AMMECR1: variants seen among roughly 807,000 people sequenced by gnomAD.
AMMECR1 encodes nuclear protein AMMECR1.
A neutral mutation model predicts 22.5 loss-of-function variants in AMMECR1; 3 were observed. The ratio of observed to expected loss-of-function variants is 0.13; its 90% confidence interval spans 0.06 to 0.35. The LOEUF is 0.35. Ranked by LOEUF, AMMECR1 falls within the 10% of genes least tolerant of loss-of-function variation. The pLI is 1.00. For synonymous variants in AMMECR1, 130 were observed against 116.7 expected (o/e 1.11, Z -0.74); for missense variants, 235 against 278.7 (o/e 0.84, Z 1.12).
intron 1 of AMMECR1, among the ~76,000 whole-genome samples, chrX:110,431,453 A>G (rs940197947): frequency 4.5e-5 from 5 of 110,043 alleles, no homozygotes; most frequent in Non-Finnish European, 7.6e-5. Context: ...ATAACTCACC[A>G]GTTCACATGG....
intron 2 of AMMECR1, among the ~76,000 whole-genome samples, chrX:110,234,637 G>A (rs2067590250): frequency 9.0e-6 from 1 of 111,523 alleles, no homozygotes; most frequent in Non-Finnish European, 1.9e-5. Flanking sequence ...CAGAGATATA[G>A]ACCAATGGAA....
At chrX:110,211,383 C>T (rs777629786) in intron 3 of AMMECR1, among the ~76,000 whole-genome samples, 1 of 112,105 alleles carries the variant, frequency 8.9e-6, no homozygotes, top group East Asian at 2.8e-4. Flanking sequence ...AGAATCACCC[C>T]TCAAGTCAAG....
At chrX:110,271,070 T>A (rs2067795854) in intron 1 of AMMECR1, among the ~76,000 whole-genome samples, 1 of 111,715 alleles carries the variant, frequency 9.0e-6, no homozygotes, top group South Asian at 3.8e-4. Flanking sequence ...AAGATTCAGA[T>A]GCATTTCTCA....
At position 110,224,543 on chromosome X, in the gene AMMECR1, T is replaced by C. The variant is rs1230481545; in HGVS notation, c.585-7911A>G. Among the ~76,000 whole-genome samples, 3 of 110,890 alleles carry C rather than the reference T, an allele frequency of 2.7e-5. No homozygotes were observed. In the Admixed American group the frequency reaches 2.9e-4, roughly 11 times the overall value. ...TACAGAAATAAAAAAAAGATATATATATATTTTTCAGAAACAAATCTACAT... is the reference window on the plus strand; with the variant it reads ...TACAGAAATAAAAAAAAGATATATACATATTTTTCAGAAACAAATCTACAT... On this transcript the variant is annotated intron_variant, in intron 2 of 5. Transcript: ENST00000262844.
chrX:110,258,833 TGA>T (rs1407510731), intron 2 of AMMECR1, among the ~76,000 whole-genome samples: 1 of 111,375 alleles, frequency 9.0e-6, no homozygotes, highest in Non-Finnish European at 1.9e-5. Flanking sequence ...TAATATTAAA[TGA>T]GAGGGAGGAG....
At chrX:110,421,196 A>G (rs2068714750) in intron 2 of AMMECR1, among the ~76,000 whole-genome samples, 1 of 112,412 alleles carries the variant, frequency 8.9e-6, no homozygotes, top group Non-Finnish European at 1.9e-5. Flanking sequence ...AATGCTTTCT[A>G]GCCCTTCAAG....
At chrX:110,421,166 C>A (rs1470143320) in intron 2 of AMMECR1, among the ~76,000 whole-genome samples, 1 of 112,446 alleles carries the variant, frequency 8.9e-6, no homozygotes, top group African/African-American at 3.2e-5. Context: ...ATGGATCACT[C>A]TGATGTATGT....
intron 1 of AMMECR1, among the ~76,000 whole-genome samples, chrX:110,436,478 A>G (rs970457907): frequency 2.7e-5 from 3 of 112,194 alleles, no homozygotes; most frequent in African/African-American, 9.7e-5. Flanking sequence ...TTTGAGAATC[A>G]TCAGAGTCTA....
chrX:110,355,525 G>A, intron 2 of AMMECR1, among the ~76,000 whole-genome samples: 1 of 112,356 alleles, frequency 8.9e-6, no homozygotes, highest in Non-Finnish European at 1.9e-5. Context: ...GAAATGCAAA[G>A]TAAAACCACA....
intron 1 of AMMECR1, among the ~76,000 whole-genome samples, chrX:110,299,749 T>C (rs1056144389): frequency 2.9e-4 from 33 of 112,093 alleles, no homozygotes; most frequent in African/African-American, 1.0e-3. Flanking sequence ...ACTGTTTCTA[T>C]GAGTTTAACT....
intron 1 of AMMECR1, among the ~76,000 whole-genome samples, chrX:110,265,343 C>A (rs2067762754): frequency 8.9e-6 from 1 of 111,837 alleles, no homozygotes; most frequent in Non-Finnish European, 1.9e-5. Context: ...AGGGCAACAG[C>A]AGACATTAAC....
chrX:110,353,821 C>T (rs181082168), intron 2 of AMMECR1, among the ~76,000 whole-genome samples: 67 of 111,601 alleles, frequency 6.0e-4, no homozygotes, highest in Admixed American at 5.9e-3. Context: ...TGAACAAATT[C>T]AGTAAAGTTT....
chrX:110,267,927 T>C (rs956599361), intron 1 of AMMECR1, among the ~76,000 whole-genome samples: 5 of 112,100 alleles, frequency 4.5e-5, no homozygotes, highest in African/African-American at 1.6e-4. Context: ...TATAATGCCA[T>C]GCTATCACTG....
chrX:110,249,906 AGGAAAGG>A (rs1480695250), intron 2 of AMMECR1, among the ~76,000 whole-genome samples: 1 of 111,166 alleles, frequency 9.0e-6, no homozygotes, highest in Non-Finnish European at 1.9e-5. Flanking sequence ...AAGAAAGGAA[AGGAAAGG>A]GGAAAGGGGA....
chrX:110,430,837 C>A, intron 1 of AMMECR1, among the ~76,000 whole-genome samples: 1 of 112,406 alleles, frequency 8.9e-6, no homozygotes, highest in African/African-American at 3.2e-5. Context: ...GAATAAATTA[C>A]TTTGCATCTT....
intron 3 of AMMECR1, among the ~76,000 whole-genome samples, chrX:110,203,874 T>G (rs1048424925): frequency 8.9e-6 from 1 of 111,959 alleles, no homozygotes; most frequent in Non-Finnish European, 1.9e-5. Flanking sequence ...TGTCAGATCT[T>G]CTGAGGAATT....
chrX:110,205,650 T>C (rs1023575112), intron 3 of AMMECR1, among the ~76,000 whole-genome samples: 2 of 111,672 alleles, frequency 1.8e-5, no homozygotes, highest in Non-Finnish European at 3.8e-5. Context: ...GGGTACAAAC[T>C]GGAAACTTGC....
chrX:110,231,431 G>A (rs375769555), intron 2 of AMMECR1, among the ~76,000 whole-genome samples: 1 of 112,028 alleles, frequency 8.9e-6, no homozygotes, highest in Non-Finnish European at 1.9e-5. Context: ...CATAAGTGAA[G>A]GAGAAATAAA....
chrX:110,387,052 AG>A (rs2068460650), intron 2 of AMMECR1, among the ~76,000 whole-genome samples: 1 of 112,474 alleles, frequency 8.9e-6, no homozygotes, highest in African/African-American at 3.2e-5. Flanking sequence ...TGAGGTGGTC[AG>A]GGGAAGCTTT....
Sources: gnomAD v4.1 joint callset for allele counts (sites outside exome capture counted in the v4.1 genomes callset) on GRCh38, gnomAD v4.1.1 for gene constraint, MANE v1.5 for transcripts, NCBI Gene and HGNC (gene_info 2026-07-23, HGNC 2026-07-21) for gene names.